The following DIAPH3 variants were observed in gnomAD, a reference collection of about 807,000 sequenced individuals.
DIAPH3 encodes diaphanous related formin 3, also known as protein diaphanous homolog 3.
Under a neutral mutation model 144.3 loss-of-function variants are expected in DIAPH3, and 117 were observed. The observed-to-expected ratio is 0.81, with a 90% CI of 0.70 to 0.95. The LOEUF (loss-of-function observed/expected upper bound fraction) is 0.95. Ranked by LOEUF, DIAPH3 falls within the 40% of genes least tolerant of loss-of-function variation. DIAPH3 has a pLI of 0.00. For missense variants in DIAPH3, 1,421 were observed against 1,412.7 expected (o/e 1.01, Z -0.09); for synonymous variants, 519 against 488.9 (o/e 1.06, Z -0.81).
chr13:59,732,055 T>C (rs563114804), intron 27 of DIAPH3, among the ~76,000 whole-genome samples: 4 of 152,134 alleles, frequency 2.6e-5, no homozygotes, highest in South Asian at 2.1e-4. Flanking sequence ...ATTCTTAATA[T>C]AGCCAAAGCG....
intron 21 of DIAPH3, among the ~76,000 whole-genome samples, chr13:59,872,220 C>T (rs1378407695): frequency 4.6e-5 from 7 of 152,044 alleles, no homozygotes; most frequent in Admixed American, 3.3e-4. Context: ...CTATAAATTT[C>T]CCTGTGAGCA....
intron 20 of DIAPH3, among the ~76,000 whole-genome samples, chr13:59,882,381 C>T (rs561656339): frequency 7.9e-5 from 12 of 152,170 alleles, no homozygotes; most frequent in South Asian, 4.1e-4. Context: ...TGAGCCACTG[C>T]GCCCAGCCCT....
At chr13:59,722,785 A>G (rs1408133639) in intron 27 of DIAPH3, among the ~76,000 whole-genome samples, 1 of 152,142 alleles carries the variant, frequency 6.6e-6, no homozygotes, top group Non-Finnish European at 1.5e-5. Context: ...TTCAGCAGGC[A>G]GTTTCTGTAT....
In DIAPH3 at chr13:60,163,730, G is replaced by A. The variant is rs1013708652; in HGVS notation, c.37C>T (p.Gln13Ter). The change falls in exon 1 of 28, where the codon CAA becomes TAA. Residue 13 changes from glutamine to a stop codon, truncating the protein, a stop_gained. Coordinates refer to ENST00000400324, the MANE Select transcript of DIAPH3 (RefSeq NM_001042517.2). LOFTEE classifies it high-confidence loss of function. ...TAGGGAGTCCCAGCGGCTGAGCCTT[G>A]GGCCGGGTGGTGCAGCCGCGGCTGG... ...RHQPRLHHPAQGSAAGTPYPS... is the reference protein window; with the variant it reads ...RHQPRLHHPA The A allele has an allele frequency of 1.2e-6, 2 of 1,606,644 alleles. No individual in the cohort carries two copies. The highest frequency in any genetic ancestry group is 1.7e-6 in the Non-Finnish European group (2 of 1,176,864).
intron 23 of DIAPH3, chr13:59,837,565 G>C (rs994274943): frequency 3.9e-5 from 6 of 153,978 alleles, no homozygotes; most frequent in African/African-American, 7.2e-5. Context: ...TATCTATAGG[G>C]AACAATAATA....
chr13:60,033,339 T>C (rs1190722644), intron 5 of DIAPH3, among the ~76,000 whole-genome samples: 1 of 152,228 alleles, frequency 6.6e-6, no homozygotes, highest in African/African-American at 2.4e-5. Flanking sequence ...ACTCTTTTTT[T>C]TACCAATTTT....
In DIAPH3 at chr13:60,138,816, GAA is replaced by G. The variant is rs754534238; in HGVS notation, c.181-5829_181-5828del. On this transcript the variant is annotated intron_variant, in intron 1 of 27. Coordinates refer to ENST00000400324, the MANE Select transcript of DIAPH3 (RefSeq NM_001042517.2). ...GAGGGAAGAGGGAAGAGGGAAGAGG[GAA>G]GAGGGGAGGGGAGGGGAGGATATCT... Among the ~76,000 whole-genome samples, 691 of 77,538 alleles carry G rather than the reference GAA, an allele frequency of 8.9e-3. 6 individuals are homozygous for G. Among genetic ancestry groups the G allele is most frequent in the African/African-American group, 0.028 (670 of 24,348 alleles). 50.9% of individuals were successfully genotyped at this position (77,538 alleles called of 152,430 possible).
intron 27 of DIAPH3, among the ~76,000 whole-genome samples, chr13:59,733,366 T>G (rs2035981729): frequency 6.6e-6 from 1 of 152,124 alleles, no homozygotes; most frequent in East Asian, 1.9e-4. Flanking sequence ...AATCTTTCAA[T>G]CTAAAACACC....
chr13:59,971,200 T>C, intron 15 of DIAPH3, 40 bp from the exon 16 acceptor site: 2 of 1,534,412 alleles, frequency 1.3e-6, no homozygotes, highest in Non-Finnish European at 1.8e-6. Flanking sequence ...TAAGAACATA[T>C]CTACAAAACA....
intron 25 of DIAPH3, among the ~76,000 whole-genome samples, chr13:59,797,864 A>G (rs2039694911): frequency 6.6e-6 from 1 of 152,184 alleles, no homozygotes; most frequent in Non-Finnish European, 1.5e-5. Flanking sequence ...AAAAACTTGC[A>G]AAGTTGTCTT....
At chr13:59,993,820 A>T (rs924498270) in intron 9 of DIAPH3, among the ~76,000 whole-genome samples, 2 of 151,144 alleles carry the variant, frequency 1.3e-5, no homozygotes, top group African/African-American at 4.9e-5. Flanking sequence ...CCCCCTTGCC[A>T]GTCATTACCC....
intron 27 of DIAPH3, among the ~76,000 whole-genome samples, chr13:59,733,619 G>C (rs59576960): frequency 6.6e-4 from 101 of 152,312 alleles, no homozygotes; most frequent in African/African-American, 2.4e-3. Context: ...TACCACCAGT[G>C]CCATCGCCCT....
chr13:60,043,078 G>A (rs1485140316), intron 4 of DIAPH3, among the ~76,000 whole-genome samples: 1 of 152,134 alleles, frequency 6.6e-6, no homozygotes, highest in Non-Finnish European at 1.5e-5. Flanking sequence ...ATGACATGGA[G>A]AACAATTGTA....
At chr13:59,976,500 A>G (rs2050687847) in intron 14 of DIAPH3, among the ~76,000 whole-genome samples, 1 of 151,972 alleles carries the variant, frequency 6.6e-6, no homozygotes, top group South Asian at 2.1e-4. Flanking sequence ...AAACATTTCC[A>G]CCATCCCATA....
At chr13:60,090,774 A>G (rs1213800581) in intron 4 of DIAPH3, among the ~76,000 whole-genome samples, 2 of 152,212 alleles carry the variant, frequency 1.3e-5, no homozygotes, top group African/African-American at 4.8e-5. Context: ...AATGTTAACC[A>G]TCTGCCAAAT....
chr13:59,759,107 A>G (rs1017036354), intron 27 of DIAPH3, among the ~76,000 whole-genome samples: 2 of 152,024 alleles, frequency 1.3e-5, no homozygotes, highest in Admixed American at 1.3e-4. Flanking sequence ...ATAGTCTTTT[A>G]TTTCTGATTT....
At chr13:59,758,582 C>T (rs150142886) in intron 27 of DIAPH3, among the ~76,000 whole-genome samples, 1,748 of 152,214 alleles carry the variant, frequency 0.011, 18 homozygotes, top group Middle Eastern at 0.027. Flanking sequence ...TTCATCAAGC[C>T]ATATACTTAG....
intron 4 of DIAPH3, among the ~76,000 whole-genome samples, chr13:60,088,072 G>A (rs370120955): frequency 6.6e-6 from 1 of 152,234 alleles, no homozygotes; most frequent in South Asian, 2.1e-4. Flanking sequence ...AAAGTAAGGG[G>A]TGGGGCACGG....
intron 27 of DIAPH3, among the ~76,000 whole-genome samples, chr13:59,734,825 T>C (rs946282735): frequency 2.0e-5 from 3 of 152,194 alleles, no homozygotes; most frequent in African/African-American, 7.2e-5. Context: ...TTAAGCAAGA[T>C]TAATGCCAAA....
Sources: gnomAD v4.1 joint callset for allele counts (sites outside exome capture counted in the v4.1 genomes callset) on GRCh38, gnomAD v4.1.1 for gene constraint, MANE v1.5 for transcripts, NCBI Gene and HGNC (gene_info 2026-07-23, HGNC 2026-07-21) for gene names.